The following SH3GL2 variants were observed in gnomAD, a reference collection of about 807,000 sequenced individuals.
SH3GL2 encodes the protein endophilin-A1.
In SH3GL2, 24 loss-of-function variants were observed where a neutral mutation model predicts 46.0. That is an observed-to-expected ratio of 0.52 (90% CI 0.38 to 0.73). SH3GL2 has a LOEUF of 0.73. SH3GL2 is among the 30% of genes least tolerant of loss of function. The pLI is 0.00. For synonymous variants in SH3GL2, 196 were observed against 147.1 expected, an observed-to-expected ratio of 1.33 and a Z score of -2.40; for missense variants, 413 against 424.2, an observed-to-expected ratio of 0.97 and a Z score of 0.23.
intron 3 of SH3GL2, among the ~76,000 whole-genome samples, chr9:17,772,038 A>G (rs922482515): frequency 1.3e-5 from 2 of 152,324 alleles, no homozygotes; most frequent in Non-Finnish European, 2.9e-5. Context: ...TTAGTGTGCA[A>G]AACAGCAGAG....
intron 1 of SH3GL2, among the ~76,000 whole-genome samples, chr9:17,685,851 C>G (rs963402049): frequency 1.3e-5 from 2 of 151,916 alleles, no homozygotes; most frequent in African/African-American, 4.8e-5. Flanking sequence ...GTTACTGTAG[C>G]CTTGTAGTAT....
At chr9:17,662,600 T>C (rs2117897553) in intron 1 of SH3GL2, among the ~76,000 whole-genome samples, 1 of 152,296 alleles carries the variant, frequency 6.6e-6, no homozygotes, top group South Asian at 2.1e-4. Context: ...TACAGACTCA[T>C]GTTTGACCCC....
intron 1 of SH3GL2, among the ~76,000 whole-genome samples, chr9:17,664,972 A>C (rs752209037): frequency 3.3e-5 from 5 of 151,940 alleles, no homozygotes; most frequent in Admixed American, 6.6e-5. Flanking sequence ...GTTTCTTTTA[A>C]TTTTAAAATG....
At chr9:17,792,430 A>C (rs1824157896) in intron 7 of SH3GL2, among the ~76,000 whole-genome samples, 1 of 152,050 alleles carries the variant, frequency 6.6e-6, no homozygotes, top group Non-Finnish European at 1.5e-5. Context: ...CAGTTACCAT[A>C]CCCTAAACCC....
chr9:17,674,889 A>C (rs894278646), intron 1 of SH3GL2, among the ~76,000 whole-genome samples: 3 of 152,132 alleles, frequency 2.0e-5, no homozygotes, highest in African/African-American at 7.2e-5. Flanking sequence ...GTACAGTGGC[A>C]GTTCATTAAC....
intron 1 of SH3GL2, among the ~76,000 whole-genome samples, chr9:17,707,988 A>G (rs1394265956): frequency 2.0e-5 from 3 of 152,114 alleles, no homozygotes; most frequent in Non-Finnish European, 2.9e-5. Context: ...TGTAGATTTT[A>G]TGCATGATGT....
intron 3 of SH3GL2, among the ~76,000 whole-genome samples, chr9:17,772,835 T>G (rs1169429115): frequency 6.6e-6 from 1 of 152,220 alleles, no homozygotes; most frequent in Non-Finnish European, 1.5e-5. Context: ...GAAACTCTGC[T>G]TTCAATTATT....
rs1021141503 is a variant in SH3GL2 at position 17,796,717 on chromosome 9, C to A, written c.*974C>A. Reference sequence around the variant, plus strand: ...TTCCTTTCCACTTTTACCCTGTGTTCTTTGAACATCATTTGTGCAGATTCT... The same window carrying A: ...TTCCTTTCCACTTTTACCCTGTGTTATTTGAACATCATTTGTGCAGATTCT... On this transcript the variant is annotated 3_prime_UTR_variant, in exon 9 of 9. Coordinates refer to ENST00000380607, the MANE Select transcript of SH3GL2 (RefSeq NM_003026.5). 3 of 152,618 alleles carry A rather than the reference C, an allele frequency of 2.0e-5. No individual in the cohort carries two copies. The highest frequency in any genetic ancestry group is 4.4e-5 in the Non-Finnish European group (3 of 68,044). 9.5% of individuals were successfully genotyped at this position (152,618 alleles called of 1,614,324 possible). A position where few individuals can be genotyped will look rare whatever the true frequency, so the allele number is the denominator to read the frequency against.
intron 3 of SH3GL2, 57 bp from the exon 4 acceptor site, chr9:17,786,324 C>A: frequency 6.5e-7 from 1 of 1,538,450 alleles, no homozygotes; most frequent in Non-Finnish European, 8.8e-7. Flanking sequence ...CCATCCAGCC[C>A]TATTTCCGCA....
intron 1 of SH3GL2, among the ~76,000 whole-genome samples, chr9:17,686,627 A>G (rs1177303804): frequency 8.0e-6 from 1 of 124,352 alleles, no homozygotes; most frequent in African/African-American, 3.3e-5. Flanking sequence ...TGATGAGTTC[A>G]TGTCCTTTGT....
intron 1 of SH3GL2, among the ~76,000 whole-genome samples, chr9:17,740,322 G>A (rs572880126): frequency 3.3e-5 from 5 of 152,104 alleles, no homozygotes; most frequent in South Asian, 4.1e-4. Context: ...CATATACTGC[G>A]TAAAGTGAAT....
intron 1 of SH3GL2, among the ~76,000 whole-genome samples, chr9:17,608,315 A>C (rs1413869543): frequency 1.3e-5 from 2 of 151,632 alleles, no homozygotes; most frequent in African/African-American, 4.8e-5. Context: ...ACCTGGCTAA[A>C]TTTTGTACTT....
At chr9:17,787,625 G>A in intron 5 of SH3GL2, 112 bp downstream of exon 5, 1 of 795,358 alleles carries the variant, frequency 1.3e-6, no homozygotes, top group Non-Finnish European at 2.0e-6. Context: ...TCAGCTCTGG[G>A]CACGTTAATT....
intron 3 of SH3GL2, among the ~76,000 whole-genome samples, chr9:17,771,547 G>A (rs981945271): frequency 6.6e-6 from 1 of 152,164 alleles, no homozygotes; most frequent in Non-Finnish European, 1.5e-5. Context: ...ACCTGAGAAA[G>A]CAAAGGCTGA....
In SH3GL2 at chr9:17,674,007, C is replaced by G. The variant is rs183103216; in HGVS notation, c.46-73059C>G. Among the ~76,000 whole-genome samples, 77 of 152,270 alleles carry G rather than the reference C, an allele frequency of 5.1e-4. No homozygotes were observed. In the Middle Eastern group the frequency reaches 0.01, roughly 20 times the overall value. On this transcript the variant is annotated intron_variant, in intron 1 of 8. Coordinates refer to ENST00000380607, the MANE Select transcript of SH3GL2 (RefSeq NM_003026.5). ...AATGGAGGGTCTGTGTTTTATTTCT[C>G]TTTGTTTCCCTCTTTCCTTGTGTGG...
At chr9:17,621,685 A>G (rs1490505646) in intron 1 of SH3GL2, among the ~76,000 whole-genome samples, 1 of 152,178 alleles carries the variant, frequency 6.6e-6, no homozygotes, top group Non-Finnish European at 1.5e-5. Flanking sequence ...CTGTGAGGGC[A>G]CCTAGGACTC....
At chr9:17,729,941 G>A (rs1017052459) in intron 1 of SH3GL2, among the ~76,000 whole-genome samples, 2 of 151,654 alleles carry the variant, frequency 1.3e-5, no homozygotes, top group East Asian at 2.0e-4. Context: ...TTGGCTATAC[G>A]GGCTCTTTTT....
chr9:17,622,083 A>C (rs545138542), intron 1 of SH3GL2, among the ~76,000 whole-genome samples: 1 of 152,254 alleles, frequency 6.6e-6, no homozygotes, highest in East Asian at 1.9e-4. Flanking sequence ...GAATCAGGCT[A>C]TTTCCCTATT....
intron 1 of SH3GL2, among the ~76,000 whole-genome samples, chr9:17,727,998 A>G (rs535525759): frequency 1.3e-5 from 2 of 152,284 alleles, no homozygotes; most frequent in South Asian, 2.1e-4. Flanking sequence ...TGGTTATCTC[A>G]GGGAAGACAG....
Sources: gnomAD v4.1 joint callset for allele counts (sites outside exome capture counted in the v4.1 genomes callset) on GRCh38, gnomAD v4.1.1 for gene constraint, MANE v1.5 for transcripts, NCBI Gene and HGNC (gene_info 2026-07-23, HGNC 2026-07-21) for gene names.